Variants in MLLT1 observed in about 807,000 individuals in gnomAD.
MLLT1 encodes protein ENL.
In MLLT1, 11 loss-of-function variants were observed where a neutral mutation model predicts 55.1. That is an observed-to-expected ratio of 0.20 (90% CI 0.13 to 0.33). The LOEUF (loss-of-function observed/expected upper bound fraction) is 0.33. MLLT1 is among the 10% of genes least tolerant of loss of function. MLLT1 has a pLI of 1.00. For missense variants in MLLT1, 536 were observed against 760.6 expected, an observed-to-expected ratio of 0.70 and a Z score of 3.47; for synonymous variants, 323 against 320.1, an observed-to-expected ratio of 1.01 and a Z score of -0.10.
At position 6,211,927 on chromosome 19, in the gene MLLT1, A is replaced by G. The variant is rs996284640; in HGVS notation, c.*1115T>C. The G allele has an allele frequency of 2.8e-6, 3 of 1,064,548 alleles. No homozygotes were observed. Among genetic ancestry groups the G allele is most frequent in the African/African-American group, 3.3e-5 (2 of 60,972 alleles). 65.9% of individuals were successfully genotyped at this position (1,064,548 alleles called of 1,614,324 possible). ...GCGGGCCAGGCCGCGACCAGAGAGA[A>G]AGGCAGCCTGGGAGGGCCAGCCCGG... On this transcript the variant is annotated 3_prime_UTR_variant, in exon 12 of 12. Coordinates refer to ENST00000252674, the MANE Select transcript of MLLT1 (RefSeq NM_005934.4). The surrounding 1 kb of genome is among the most constrained non-coding windows in gnomAD (Gnocchi z 4.6).
chr19:6,265,232 C>A (rs958940501), intron 2 of MLLT1, among the ~76,000 whole-genome samples: 1 of 152,150 alleles, frequency 6.6e-6, no homozygotes, highest in African/African-American at 2.4e-5. Flanking sequence ...GATATATACT[C>A]CCAAAATGTT....
intron 3 of MLLT1, among the ~76,000 whole-genome samples, chr19:6,257,888 C>T (rs1167464891): frequency 3.9e-5 from 6 of 152,250 alleles, no homozygotes; most frequent in Admixed American, 6.5e-5. Context: ...TGTGAAAAGA[C>T]GTGAAACATC....
chr19:6,267,567 A>G (rs2091358750), intron 2 of MLLT1, among the ~76,000 whole-genome samples: 1 of 152,150 alleles, frequency 6.6e-6, no homozygotes, highest in South Asian at 2.1e-4. Flanking sequence ...TTAACCAAAA[A>G]TGACCAAAAA....
intron 2 of MLLT1, among the ~76,000 whole-genome samples, chr19:6,265,805 C>T (rs1286134457): frequency 1.3e-5 from 2 of 151,924 alleles, no homozygotes; most frequent in Non-Finnish European, 2.9e-5. Context: ...ATGGTGAAAC[C>T]CTGTCTCTAC....
At chr19:6,252,152 G>T (rs999467393) in intron 3 of MLLT1, among the ~76,000 whole-genome samples, 1 of 152,180 alleles carries the variant, frequency 6.6e-6, no homozygotes, top group East Asian at 1.9e-4. Flanking sequence ...TGTCTCTAAA[G>T]GGACAAAAAG....
intron 3 of MLLT1, among the ~76,000 whole-genome samples, chr19:6,257,015 T>C (rs1169079194): frequency 1.3e-5 from 2 of 152,188 alleles, no homozygotes; most frequent in Non-Finnish European, 2.9e-5. Flanking sequence ...CTTCACTTCA[T>C]ATATGAAAGT....
chr19:6,269,318 G>A (rs1190065821), intron 2 of MLLT1, among the ~76,000 whole-genome samples: 3 of 152,250 alleles, frequency 2.0e-5, no homozygotes, highest in Admixed American at 1.3e-4. Context: ...AAGAAAACGC[G>A]ATCCTGCGCA....
chr19:6,265,218 A>AAGTG (rs1354171017), intron 2 of MLLT1, among the ~76,000 whole-genome samples: 1 of 152,144 alleles, frequency 6.6e-6, no homozygotes, highest in Non-Finnish European at 1.5e-5. Flanking sequence ...TCATAGCACT[A>AAGTG]AGTGATATAT....
Position 6,270,569 on chromosome 19 carries a change from G to A in MLLT1, c.193+10C>T, listed in dbSNP as rs1406517285. On this transcript the variant is annotated intron_variant, in intron 2 of 11. Coordinates refer to ENST00000252674, the MANE Select transcript of MLLT1 (RefSeq NM_005934.4). This position sits in a 1 kb window ranked among gnomAD's most constrained non-coding sequence, Gnocchi z 7.1. ...CGTGCTGTGGGCACTCAGGGCTTGA[G>A]GCCACTCACCGCGTCTGGGCTTGGG... The A allele has an allele frequency of 6.2e-7, 1 of 1,605,648 alleles. No homozygotes were observed. The highest frequency in any genetic ancestry group is 1.3e-5 in the African/African-American group (1 of 74,878).
Position 6,227,737 on chromosome 19 carries a change from CGCTCCATCAGAG to C in MLLT1, c.421-647_421-636del, listed in dbSNP as rs1380624582. 3.3e-5 allele frequency among the ~76,000 whole-genome samples: 5 copies of C among 152,158 alleles called. No individual in the cohort carries two copies. Among genetic ancestry groups the C allele is most frequent in the Non-Finnish European group, 7.4e-5 (5 of 68,022 alleles). On this transcript the variant is annotated intron_variant, in intron 4 of 11. Coordinates refer to ENST00000252674, the MANE Select transcript of MLLT1 (RefSeq NM_005934.4). The surrounding 1 kb of genome is among the most constrained non-coding windows in gnomAD (Gnocchi z 5.1). Reference sequence around the variant, plus strand: ...CTGCAGCATGGGGCACCTGCTCCTGCGCTCCATCAGAGGCTACGGATGACGAAAGTTCTGGGG... The same window carrying C: ...CTGCAGCATGGGGCACCTGCTCCTGCGCTACGGATGACGAAAGTTCTGGGG...
Position 6,270,984 on chromosome 19 carries a change from C to T in MLLT1, c.13-225G>A, listed in dbSNP as rs1447760082. 1.3e-5 allele frequency among the ~76,000 whole-genome samples: 2 copies of T among 152,140 alleles called. No homozygotes were observed. The highest frequency in any genetic ancestry group is 4.8e-5 in the African/African-American group (2 of 41,428). On this transcript the variant is annotated intron_variant, in intron 1 of 11. Coordinates refer to ENST00000252674, the MANE Select transcript of MLLT1 (RefSeq NM_005934.4). This position sits in a 1 kb window ranked among gnomAD's most constrained non-coding sequence, Gnocchi z 7.1. ...CACAGACCCCGTGTCTCCTCTCATC[C>T]ACCGCCTCATCCTCAATTCCACCCG...
chr19:6,265,474 C>G (rs958973114), intron 2 of MLLT1, among the ~76,000 whole-genome samples: 1 of 152,028 alleles, frequency 6.6e-6, no homozygotes, highest in African/African-American at 2.4e-5. Flanking sequence ...AGTTCAAGAC[C>G]AGCCTGACCA....
At chr19:6,220,765 C>T (rs2090889770) in intron 6 of MLLT1, among the ~76,000 whole-genome samples, 2 of 152,328 alleles carry the variant, frequency 1.3e-5, no homozygotes, top group Admixed American at 6.5e-5. Flanking sequence ...AGGGGACAAG[C>T]GCCTGCCCAG....
intron 7 of MLLT1, 82 bp downstream of exon 7, chr19:6,217,872 G>A (rs1393380680): frequency 6.6e-7 from 1 of 1,514,284 alleles, no homozygotes; most frequent in South Asian, 1.3e-5. Flanking sequence ...GCAGGCAGTG[G>A]ACGCTGAGGA....
chr19:6,259,807 A>G (rs1477466732), intron 3 of MLLT1: 1 of 151,292 alleles, frequency 6.6e-6, no homozygotes, highest in Non-Finnish European at 1.5e-5. Flanking sequence ...CTTAAAAAAA[A>G]AAAAAAAAAA....
chr19:6,274,996 G>C (rs1033414011), intron 1 of MLLT1, among the ~76,000 whole-genome samples: 1 of 152,226 alleles, frequency 6.6e-6, no homozygotes, highest in Non-Finnish European at 1.5e-5. Flanking sequence ...TCAACGCAGC[G>C]TGCGGTTCTC....
chr19:6,262,201 C>A lies in MLLT1; in HGVS notation c.276+27G>T, dbSNP rs2091311417. On this transcript the variant is annotated intron_variant, in intron 3 of 11. Transcript: ENST00000252674. The surrounding 1 kb of genome is among the most constrained non-coding windows in gnomAD (Gnocchi z 4.4). ...AGCAGGGGTCCCCACAGAGAGGCAT[C>A]CTGCTTGCTCCCCTCAGGGATCCTA... 1 of 1,601,540 alleles carries A rather than the reference C, an allele frequency of 6.2e-7. No individual in the cohort carries two copies. The highest frequency in any genetic ancestry group is 8.6e-7 in the Non-Finnish European group (1 of 1,168,930).
chr19:6,241,628 TGCGCA>T (rs1457487491), intron 3 of MLLT1, among the ~76,000 whole-genome samples: 5 of 152,204 alleles, frequency 3.3e-5, no homozygotes, highest in African/African-American at 9.7e-5. Context: ...GGCGCAGGGT[TGCGCA>T]GCACCTCCTC....
At position 6,256,132 on chromosome 19, in the gene MLLT1, G is replaced by A. The variant is rs149466761; in HGVS notation, c.276+6096C>T. On this transcript the variant is annotated intron_variant, in intron 3 of 11. Coordinates refer to ENST00000252674, the MANE Select transcript of MLLT1 (RefSeq NM_005934.4). The surrounding 1 kb of genome is among the most constrained non-coding windows in gnomAD (Gnocchi z 4.1). Reference sequence around the variant, plus strand: ...TTCAGGAGGCTGAGGCAGGAGAATCGCTTGAACCTGGGAGGCAGAGGTTGC... The same window carrying A: ...TTCAGGAGGCTGAGGCAGGAGAATCACTTGAACCTGGGAGGCAGAGGTTGC... 6.6e-6 allele frequency among the ~76,000 whole-genome samples: 1 copy of A among 152,174 alleles called. No individual in the cohort carries two copies. Among genetic ancestry groups the A allele is most frequent in the East Asian group, 1.9e-4 (1 of 5,142 alleles).
Sources: gnomAD v4.1 joint callset for allele counts (sites outside exome capture counted in the v4.1 genomes callset) on GRCh38, gnomAD v4.1.1 for gene constraint, Gnocchi (gnomAD v3.1) non-coding constraint, MANE v1.5 for transcripts, NCBI Gene and HGNC (gene_info 2026-07-23, HGNC 2026-07-21) for gene names.